Variants in PCDHGA6 observed in about 807,000 individuals in gnomAD.
PCDHGA6 encodes the protein protocadherin gamma-A6.
PCDHGA6 carries 41 observed loss-of-function variants against 60.6 expected under a neutral mutation model. The observed-to-expected ratio is 0.68, with a 90% CI of 0.53 to 0.88. PCDHGA6 has a LOEUF of 0.88. Ranked by LOEUF, PCDHGA6 falls within the 40% of genes least tolerant of loss-of-function variation. The pLI is 0.00. For missense variants in PCDHGA6, 1,312 were observed against 1,203.0 expected (o/e 1.09, Z -1.34); for synonymous variants, 594 against 524.4 (o/e 1.13, Z -1.81).
At position 141,485,229 on chromosome 5, in the gene PCDHGA6, TC is replaced by T; in HGVS notation, c.2425-9576del. On this transcript the variant is annotated intron_variant, in intron 1 of 3. Transcript: ENST00000517434. The surrounding 1 kb of genome is among the most constrained non-coding windows in gnomAD (Gnocchi z 5.7). ...ATCTGGCGGTGGGCTACCCTTTTGT[TC>T]CTCTTTTACCACCTGGGTTACGTTT... 6.2e-7 allele frequency: 1 copy of T among 1,614,160 alleles called. No homozygotes were observed. The highest frequency in any genetic ancestry group is 8.5e-7 in the Non-Finnish European group (1 of 1,180,022).
chr5:141,502,383 G>A (rs941410477), intron 2 of PCDHGA6, among the ~76,000 whole-genome samples: 2 of 151,846 alleles, frequency 1.3e-5, no homozygotes, highest in African/African-American at 4.8e-5. Context: ...CAGGCCAGTT[G>A]TACTTTAAAA....
rs1423427104 is a variant in PCDHGA6, at chr5:141,417,737, C to T, written c.2424+41230C>T. 5 of 1,407,068 alleles carry T rather than the reference C, an allele frequency of 3.6e-6. No homozygotes were observed. In the African/African-American group the frequency reaches 7.2e-5, roughly 20 times the overall value. 87.2% of individuals were successfully genotyped at this position (1,407,068 alleles called of 1,614,324 possible). ...CCGGCTGCGCAGACCTTGCCCAGCA[C>T]ACCAGATTGCCAGCTCCGAGACCCG... is the stretch of plus-strand genomic sequence containing the variant. On this transcript the variant is annotated intron_variant, in intron 1 of 3. Transcript: ENST00000517434.
At chr5:141,508,096 G>A (rs1489615862) in intron 3 of PCDHGA6, 1 of 152,476 alleles carries the variant, frequency 6.6e-6, no homozygotes, top group African/African-American at 2.4e-5. Context: ...CCTTGGCCCT[G>A]GGATGGGGTA....
intron 1 of PCDHGA6, chr5:141,390,095 TC>T (rs1456939693): frequency 6.2e-7 from 1 of 1,613,972 alleles, no homozygotes; most frequent in Non-Finnish European, 8.5e-7. Context: ...AATCCGTGGT[TC>T]CCCCCAACTA....
rs754299511 is a variant in PCDHGA6 at position 141,476,353 on chromosome 5, G to A, written c.2425-18454G>A. 4 of 1,614,202 alleles carry A rather than the reference G, an allele frequency of 2.5e-6. No individual in the cohort carries two copies. Among genetic ancestry groups the A allele is most frequent in the South Asian group, 1.1e-5 (1 of 91,082 alleles). On this transcript the variant is annotated intron_variant, in intron 1 of 3. Coordinates refer to ENST00000517434, the MANE Select transcript of PCDHGA6 (RefSeq NM_018919.3). The surrounding 1 kb of genome is among the most constrained non-coding windows in gnomAD (Gnocchi z 7.6). The stretch of plus-strand genomic sequence containing the variant: ...GAGCTAGCCGAAGATTCTTTGAGGT[G>A]AACCGGGAGACCGGAGAGATGTTTG...
Position 141,400,542 on chromosome 5 carries a change from C to G in PCDHGA6, c.2424+24035C>G, listed in dbSNP as rs373097307. On this transcript the variant is annotated intron_variant, in intron 1 of 3. Transcript: ENST00000517434. ...CTGAGTTGGTGAGTTTCATTTATGT[C>G]TATTCTTTTTCATTACCCACCCAAT... 5.6e-6 allele frequency: 9 copies of G among 1,613,628 alleles called. No individual in the cohort carries two copies. In the African/African-American group the frequency reaches 8.0e-5, roughly 14 times the overall value.
chr5:141,392,688 C>T (rs1009459106), intron 1 of PCDHGA6: 2 of 1,113,934 alleles, frequency 1.8e-6, no homozygotes, highest in Non-Finnish European at 2.5e-6. Flanking sequence ...GCAGCGAAAC[C>T]CGACCCCTGT....
At chr5:141,408,353 G>A (rs1218585930) in intron 1 of PCDHGA6, 1 of 1,613,816 alleles carries the variant, frequency 6.2e-7, no homozygotes, top group Non-Finnish European at 8.5e-7. Flanking sequence ...GGGGAACCTC[G>A]CTAAGGATCT....
At chr5:141,425,363 A>C (rs2096870488) in intron 1 of PCDHGA6, among the ~76,000 whole-genome samples, 1 of 152,212 alleles carries the variant, frequency 6.6e-6, no homozygotes, top group Non-Finnish European at 1.5e-5. Context: ...TGATATTAAG[A>C]GGGTTATGTT....
intron 1 of PCDHGA6, chr5:141,394,313 C>T (rs2092972755): frequency 1.2e-6 from 2 of 1,614,022 alleles, no homozygotes; most frequent in East Asian, 2.2e-5. Flanking sequence ...AGGGGGCGCC[C>T]CTGTCCTCGT....
chr5:141,414,950 T>C (rs1017858929), intron 1 of PCDHGA6: 2 of 1,613,912 alleles, frequency 1.2e-6, no homozygotes, highest in African/African-American at 2.7e-5. Context: ...GGCTACCTGG[T>C]GACCAAGGTG....
chr5:141,393,056 C>T, intron 1 of PCDHGA6: 2 of 1,613,606 alleles, frequency 1.2e-6, no homozygotes, highest in Non-Finnish European at 1.7e-6. Flanking sequence ...ACCCGCGCAG[C>T]GGCAGCTTGA....
At chr5:141,415,747 T>G (rs774746065) in intron 1 of PCDHGA6, 22 of 797,580 alleles carry the variant, frequency 2.8e-5, no homozygotes, top group Middle Eastern at 5.1e-4. Context: ...AAGGTTTTTT[T>G]TTTTTTTTTT....
At chr5:141,468,877 T>C (rs1321110515) in intron 1 of PCDHGA6, among the ~76,000 whole-genome samples, 2 of 149,546 alleles carry the variant, frequency 1.3e-5, no homozygotes, top group African/African-American at 4.9e-5. Context: ...AAAATAATAA[T>C]AATAATAATA....
intron 1 of PCDHGA6, among the ~76,000 whole-genome samples, chr5:141,483,466 A>C (rs1212605130): frequency 6.6e-6 from 1 of 152,188 alleles, no homozygotes. Context: ...GTTGATTGAC[A>C]TGATATAGGA....
At chr5:141,399,722 A>G in intron 1 of PCDHGA6, 4 of 1,613,264 alleles carry the variant, frequency 2.5e-6, no homozygotes, top group Non-Finnish European at 3.4e-6. Context: ...CAGGCCCGCG[A>G]CCAGGGCTCG....
chr5:141,409,292 A>G, intron 1 of PCDHGA6: 1 of 1,614,012 alleles, frequency 6.2e-7, no homozygotes, highest in Admixed American at 1.7e-5. Flanking sequence ...ACCTCCAGGA[A>G]TGGTTGTTGC....
At position 141,477,055 on chromosome 5, in the gene PCDHGA6, G is replaced by A. The variant is rs531755338; in HGVS notation, c.2425-17752G>A. Reference sequence around the variant, plus strand: ...CAATCAAGGGTCGGCTGGACTTCGAGGACACCAAACTCCATGAGATTTACA... The same window carrying A: ...CAATCAAGGGTCGGCTGGACTTCGAAGACACCAAACTCCATGAGATTTACA... On this transcript the variant is annotated intron_variant, in intron 1 of 3. Transcript: ENST00000517434. This position sits in a 1 kb window ranked among gnomAD's most constrained non-coding sequence, Gnocchi z 4.9. The A allele has an allele frequency of 4.5e-5, 72 of 1,614,242 alleles. 1 individual carries two copies. In the South Asian group the frequency reaches 7.8e-4, roughly 17 times the overall value.
Position 141,476,380 on chromosome 5 carries a change from G to C in PCDHGA6, c.2425-18427G>C. 1 of 1,614,154 alleles carries C rather than the reference G, an allele frequency of 6.2e-7. No homozygotes were observed. The highest frequency in any genetic ancestry group is 8.5e-7 in the Non-Finnish European group (1 of 1,180,042). On this transcript the variant is annotated intron_variant, in intron 1 of 3. Coordinates refer to ENST00000517434, the MANE Select transcript of PCDHGA6 (RefSeq NM_018919.3). The surrounding 1 kb of genome is among the most constrained non-coding windows in gnomAD (Gnocchi z 7.6). ...ACCGGGAGACCGGAGAGATGTTTGT[G>C]AACGACCGTCTGGATCGAGAGGAGC... is the stretch of plus-strand genomic sequence containing the variant.
Sources: allele counts gnomAD v4.1 joint callset (sites outside exome capture counted in the v4.1 genomes callset), GRCh38; gene constraint gnomAD v4.1.1; non-coding constraint Gnocchi (gnomAD v3.1); transcripts MANE v1.5; gene names NCBI Gene and HGNC (gene_info 2026-07-23, HGNC 2026-07-21).